Variants in HS6ST1 observed in about 807,000 individuals in gnomAD.
The protein encoded by HS6ST1 is heparan sulfate 6-O-sulfotransferase 1, also known as heparan-sulfate 6-O-sulfotransferase 1.
HS6ST1 carries 3 observed loss-of-function variants against 25.2 expected under a neutral mutation model. That is an observed-to-expected ratio of 0.12 (90% confidence interval 0.05 to 0.31). The LOEUF is 0.31. Among genes scored for constraint, HS6ST1 ranks in the 10% least tolerant of loss-of-function variants. The pLI is 1.00. For missense variants in HS6ST1, 310 were observed against 609.6 expected (o/e 0.51, Z 5.18); for synonymous variants, 204 against 275.1 (o/e 0.74, Z 2.56).
At position 128,268,004 on chromosome 2, in the gene HS6ST1, G is replaced by A. The variant is rs1407406713; in HGVS notation, c.*158C>T. On this transcript the variant is annotated 3_prime_UTR_variant, in exon 2 of 2. Transcript: ENST00000259241. ...TTTCTCAAGCCCCCATCCCTGCCCA[G>A]CCCCACTACATCCCTGCTCTGTTTT... 5 of 644,814 alleles carry A rather than the reference G, an allele frequency of 7.8e-6. No homozygotes were observed. Among genetic ancestry groups the A allele is most frequent in the Non-Finnish European group, 1.1e-5 (4 of 367,236 alleles). The allele number at this position is 644,814 out of a possible 1,614,324, so 39.9% of individuals were successfully genotyped here.
chr2:128,288,383 T>C (rs1255559895), intron 1 of HS6ST1, among the ~76,000 whole-genome samples: 1 of 152,142 alleles, frequency 6.6e-6, no homozygotes, highest in Non-Finnish European at 1.5e-5. Context: ...CTCAGGGCCC[T>C]GAGGCCAGCC....
intron 1 of HS6ST1, among the ~76,000 whole-genome samples, chr2:128,280,425 C>G (rs1431833818): frequency 6.6e-6 from 1 of 152,186 alleles, no homozygotes; most frequent in South Asian, 2.1e-4. Context: ...GGAGACGACC[C>G]GCTCCCAGGA....
rs1393192285 is a variant in HS6ST1, at chr2:128,268,127, C to A, written c.*35G>T. On this transcript the variant is annotated 3_prime_UTR_variant, in exon 2 of 2. Coordinates refer to ENST00000259241, the MANE Select transcript of HS6ST1 (RefSeq NM_004807.3). Reference sequence around the variant, plus strand: ...CGTCTGTCCTGTTTTATCCCCCACACCCCCCAAGAGGCCTCCCCGTGGCCA... The same window carrying A: ...CGTCTGTCCTGTTTTATCCCCCACAACCCCCAAGAGGCCTCCCCGTGGCCA... The A allele has an allele frequency of 2.0e-6, 3 of 1,482,828 alleles. No individual in the cohort carries two copies. Among genetic ancestry groups the A allele is most frequent in the Non-Finnish European group, 2.8e-6 (3 of 1,081,650 alleles). 91.9% of individuals were successfully genotyped at this position (1,482,828 alleles called of 1,614,324 possible). A position where few individuals can be genotyped will look rare whatever the true frequency, so the allele number is the denominator to read the frequency against.
intron 1 of HS6ST1, among the ~76,000 whole-genome samples, chr2:128,290,410 G>A (rs1314739144): frequency 1.3e-5 from 2 of 152,042 alleles, no homozygotes; most frequent in Non-Finnish European, 2.9e-5. Context: ...TTGCAGCCTG[G>A]TGGACACATC....
At chr2:128,298,570 T>C (rs1694075468) in intron 1 of HS6ST1, among the ~76,000 whole-genome samples, 1 of 152,190 alleles carries the variant, frequency 6.6e-6, no homozygotes, top group Admixed American at 6.5e-5. Context: ...GAAAAGACAG[T>C]ATCATATAAT....
intron 1 of HS6ST1, among the ~76,000 whole-genome samples, chr2:128,316,744 GA>G (rs1694370522): frequency 6.6e-6 from 1 of 151,522 alleles, no homozygotes; most frequent in South Asian, 2.1e-4. Flanking sequence ...GGGGGAGAAA[GA>G]AAAGTGGGAA....
chr2:128,300,468 C>T (rs535508851), intron 1 of HS6ST1, among the ~76,000 whole-genome samples: 3 of 152,296 alleles, frequency 2.0e-5, no homozygotes, highest in East Asian at 3.9e-4. Context: ...CGTGTGTTCG[C>T]GGAGGTGTCT....
At chr2:128,309,141 T>C (rs1369863627) in intron 1 of HS6ST1, among the ~76,000 whole-genome samples, 2 of 152,154 alleles carry the variant, frequency 1.3e-5, no homozygotes, top group South Asian at 2.1e-4. Context: ...GGTCCCGGGG[T>C]TTCCCAGCCC....
At chr2:128,268,925 A>ACCAGGGCTGC in intron 1 of HS6ST1, 55 bp from the exon 2 acceptor site, 2 of 1,468,886 alleles carry the variant, frequency 1.4e-6, no homozygotes, top group Non-Finnish European at 1.9e-6. Flanking sequence ...GAGGGGGGCT[A>ACCAGGGCTGC]CCAGGGCTGC....
intron 1 of HS6ST1, among the ~76,000 whole-genome samples, chr2:128,270,433 CCTG>C (rs1398877564): frequency 6.6e-6 from 1 of 152,250 alleles, no homozygotes; most frequent in Non-Finnish European, 1.5e-5. Context: ...GCACCCACAG[CCTG>C]CCTGGTACCA....
At chr2:128,295,026 A>G (rs527529128) in intron 1 of HS6ST1, among the ~76,000 whole-genome samples, 19 of 152,320 alleles carry the variant, frequency 1.2e-4, no homozygotes, top group African/African-American at 4.1e-4. Context: ...CAAGGCAGAA[A>G]TGCAGGAGTC....
chr2:128,313,958 A>G (rs1208829535), intron 1 of HS6ST1, among the ~76,000 whole-genome samples: 3 of 149,060 alleles, frequency 2.0e-5, no homozygotes, highest in African/African-American at 7.5e-5. Flanking sequence ...AAAAAAAAGG[A>G]TTTTTTATCT....
chr2:128,313,905 A>C (rs1694325624), intron 1 of HS6ST1, among the ~76,000 whole-genome samples: 1 of 151,606 alleles, frequency 6.6e-6, no homozygotes, highest in South Asian at 2.1e-4. Flanking sequence ...CCTGTCACCC[A>C]ACCATTCGTA....
chr2:128,311,960 G>A (rs757644443), intron 1 of HS6ST1, among the ~76,000 whole-genome samples: 12 of 152,266 alleles, frequency 7.9e-5, no homozygotes, highest in Non-Finnish European at 1.3e-4. Context: ...GCCAGGGGCC[G>A]ACTCTCAGGC....
At chr2:128,279,914 C>T (rs1436033698) in intron 1 of HS6ST1, among the ~76,000 whole-genome samples, 1 of 152,200 alleles carries the variant, frequency 6.6e-6, no homozygotes, top group Non-Finnish European at 1.5e-5. Context: ...ACCTGCTTCC[C>T]CAGCCTACCC....
intron 1 of HS6ST1, among the ~76,000 whole-genome samples, chr2:128,308,113 G>A (rs954989732): frequency 6.6e-6 from 1 of 152,196 alleles, no homozygotes; most frequent in African/African-American, 2.4e-5. Flanking sequence ...ATCATTTAAG[G>A]AATACACACA....
chr2:128,308,338 G>A (rs1694241587), intron 1 of HS6ST1, among the ~76,000 whole-genome samples: 1 of 152,224 alleles, frequency 6.6e-6, no homozygotes, highest in African/African-American at 2.4e-5. Flanking sequence ...GGGGGTGATA[G>A]CAGCTGGTGG....
intron 1 of HS6ST1, among the ~76,000 whole-genome samples, chr2:128,312,589 C>T (rs1415069861): frequency 6.6e-6 from 1 of 152,172 alleles, no homozygotes; most frequent in African/African-American, 2.4e-5. Flanking sequence ...CCTCTCTCAG[C>T]AGGGGTGAAA....
chr2:128,278,207 G>C (rs932572366), intron 1 of HS6ST1, among the ~76,000 whole-genome samples: 2 of 152,262 alleles, frequency 1.3e-5, no homozygotes, highest in Admixed American at 1.3e-4. Flanking sequence ...CATGGTGCCT[G>C]TCTCTCACTC....
Sources: allele counts gnomAD v4.1 joint callset (sites outside exome capture counted in the v4.1 genomes callset), GRCh38; gene constraint gnomAD v4.1.1; transcripts MANE v1.5; gene names NCBI Gene and HGNC (gene_info 2026-07-23, HGNC 2026-07-21).